The following LRRC53 variants were observed in gnomAD, a reference collection of about 807,000 sequenced individuals.
LRRC53 encodes the protein leucine rich repeat containing 53, also known as leucine-rich repeat-containing protein 53.
Under a neutral mutation model 13.6 loss-of-function variants are expected in LRRC53, and 25 were observed. The observed-to-expected ratio is 1.83, with a 90% confidence interval of 1.34 to 2.56. The LOEUF is 2.56. LRRC53 is among the 30% of genes most tolerant of loss of function. The probability of loss-of-function intolerance (pLI) is 0.00; values close to 1 mark genes in which losing one functional copy is unlikely to be tolerated. For missense variants in LRRC53, 527 were observed against 275.8 expected (o/e 1.91, Z -6.45); for synonymous variants, 204 against 109.8 (o/e 1.86, Z -5.37).
intron 1 of LRRC53, among the ~76,000 whole-genome samples, chr1:74,508,606 G>A (rs372997185): frequency 1.1e-4 from 16 of 152,158 alleles, no homozygotes; most frequent in East Asian, 1.9e-4. Flanking sequence ...GATAAGTAGC[G>A]AATCAGTCTG....
At chr1:74,518,584 T>A in the LRRC53 span, among the ~76,000 whole-genome samples, 1 of 152,168 alleles carries the variant, frequency 6.6e-6, no homozygotes, top group Non-Finnish European at 1.5e-5. Context: ...GTGACGAAGC[T>A]TATGGTTCCC....
At chr1:74,477,555 A>G (rs1280978359) in intron 3 of LRRC53, among the ~76,000 whole-genome samples, 1 of 152,204 alleles carries the variant, frequency 6.6e-6, no homozygotes, top group African/African-American at 2.4e-5. Context: ...AAGGAACAAA[A>G]GGGCTAAGTT....
At chr1:74,511,266 C>T (rs1389661140) in intron 1 of LRRC53, among the ~76,000 whole-genome samples, 2 of 151,682 alleles carry the variant, frequency 1.3e-5, no homozygotes, top group African/African-American at 4.8e-5. Context: ...GATCTCGGCT[C>T]ACCACAACCT....
intron 1 of LRRC53, among the ~76,000 whole-genome samples, chr1:74,503,753 C>T (rs1042372811): frequency 6.6e-6 from 1 of 152,172 alleles, no homozygotes; most frequent in African/African-American, 2.4e-5. Context: ...TGCCTTTTAT[C>T]TCTTTCTTTT....
At chr1:74,473,583 T>C (rs1355716971) in intron 4 of LRRC53, among the ~76,000 whole-genome samples, 1 of 151,876 alleles carries the variant, frequency 6.6e-6, no homozygotes, top group Non-Finnish European at 1.5e-5. Flanking sequence ...CAAAATTAAC[T>C]TTTAGTAGAC....
At chr1:74,490,532 T>C (rs909191833) in intron 1 of LRRC53, among the ~76,000 whole-genome samples, 1 of 152,192 alleles carries the variant, frequency 6.6e-6, no homozygotes, top group Non-Finnish European at 1.5e-5. Flanking sequence ...TGTAATATAT[T>C]GATCAAGCCT....
At chr1:74,516,437 G>A (rs1646349195), upstream of LRRC53, among the ~76,000 whole-genome samples, 1 of 152,192 alleles carries the variant, frequency 6.6e-6, no homozygotes, top group Non-Finnish European at 1.5e-5. Flanking sequence ...ACAATACAAG[G>A]CATGAGGTGT....
chr1:74,477,281 C>A (rs752542305), intron 3 of LRRC53, among the ~76,000 whole-genome samples: 10 of 152,232 alleles, frequency 6.6e-5, no homozygotes, highest in Non-Finnish European at 1.2e-4. Flanking sequence ...TCCTCTAACA[C>A]TTATTTTTTT....
In LRRC53 at chr1:74,475,611, G is replaced by A. The variant is rs1167485341; in HGVS notation, c.1104C>T (p.Ser368=). 1.4e-6 allele frequency: 1 copy of A among 717,178 alleles called. No homozygotes were observed. Among genetic ancestry groups the A allele is most frequent in the Admixed American group, 2.0e-5 (1 of 49,990 alleles). The allele number at this position is 717,178 out of a possible 1,614,324, so 44.4% of individuals were successfully genotyped here. Residue 368 remains serine (S), a synonymous_variant, in exon 4 of 5, where the codon TCC becomes TCT. Coordinates refer to ENST00000294635, the MANE Select transcript of LRRC53 (RefSeq NM_001382280.1). ...LTQENEIKVM[S]TVGSRKEMPL... ...GCATTTCTTTTCTGGACCCCACAGT[G>A]GACATGACCTTTATCTCGTTTTCCT...
At chr1:74,518,873 C>CTTT in the LRRC53 span, among the ~76,000 whole-genome samples, 48 of 100,320 alleles carry the variant, frequency 4.8e-4, no homozygotes, top group Middle Eastern at 6.7e-3. Context: ...TTTTTTTTCC[C>CTTT]CTTTTTTTTT....
chr1:74,487,652 C>T (rs1268204683), intron 1 of LRRC53, among the ~76,000 whole-genome samples: 1 of 152,026 alleles, frequency 6.6e-6, no homozygotes, highest in Admixed American at 6.6e-5. Flanking sequence ...AAGTGAGTGA[C>T]AGCGAAAAGA....
upstream of LRRC53, among the ~76,000 whole-genome samples, chr1:74,516,444 G>A (rs991283214): frequency 6.6e-6 from 1 of 152,212 alleles, no homozygotes; most frequent in Admixed American, 6.5e-5. Context: ...AAGGCATGAG[G>A]TGTCACAGTA....
chr1:74,527,988 G>T, the LRRC53 span, among the ~76,000 whole-genome samples: 1 of 152,194 alleles, frequency 6.6e-6, no homozygotes, highest in African/African-American at 2.4e-5. Context: ...GGCCAAGGTG[G>T]TAGTGCTTAA....
Position 74,480,361 on chromosome 1 carries a change from G to A in LRRC53, c.696C>T (p.Tyr232=). The change falls in exon 3 of 5, where the codon TAC becomes TAT. Residue 232 remains tyrosine (Y), a synonymous_variant. Coordinates refer to ENST00000294635, the MANE Select transcript of LRRC53 (RefSeq NM_001382280.1). ...TGAGCGTGTGAGCAGAAGACTTAATGTAGTTTCTTAAAAACCGAGCAAGGG... is the reference window on the plus strand; with the variant it reads ...TGAGCGTGTGAGCAGAAGACTTAATATAGTTTCTTAAAAACCGAGCAAGGG... ...LHPLARFLRN[Y]IKSSAHTLRN... 1 of 717,712 alleles carries A rather than the reference G, an allele frequency of 1.4e-6. No homozygotes were observed. Among genetic ancestry groups the A allele is most frequent in the Non-Finnish European group, 2.6e-6 (1 of 385,144 alleles). 44.5% of individuals were successfully genotyped at this position (717,712 alleles called of 1,614,324 possible).
chr1:74,520,028 T>G, the LRRC53 span, among the ~76,000 whole-genome samples: 2 of 152,200 alleles, frequency 1.3e-5, no homozygotes, highest in Admixed American at 6.6e-5. Context: ...CATAAGTTTT[T>G]GGGGAACAGG....
At chr1:74,477,827 T>G (rs1210533081) in intron 3 of LRRC53, among the ~76,000 whole-genome samples, 1 of 152,218 alleles carries the variant, frequency 6.6e-6, no homozygotes, top group African/African-American at 2.4e-5. Flanking sequence ...ATGGGCATTG[T>G]TTCTATTTTT....
At chr1:74,483,398 T>C in intron 1 of LRRC53, 23 bp from the exon 2 acceptor site, 1 of 715,574 alleles carries the variant, frequency 1.4e-6, no homozygotes, top group East Asian at 2.7e-5. Flanking sequence ...TAGAGGGCAA[T>C]GTATATCATA....
At chr1:74,473,336 A>T (rs766705142) in intron 4 of LRRC53, among the ~76,000 whole-genome samples, 31 of 152,124 alleles carry the variant, frequency 2.0e-4, no homozygotes, top group South Asian at 4.1e-4. Flanking sequence ...AGTCTATCTG[A>T]CATTAAACGA....
At chr1:74,501,951 T>C (rs1669656181) in intron 1 of LRRC53, among the ~76,000 whole-genome samples, 1 of 152,192 alleles carries the variant, frequency 6.6e-6, no homozygotes, top group Non-Finnish European at 1.5e-5. Flanking sequence ...ATCCTCTGCA[T>C]ATCTTTATGT....
Sources: gnomAD v4.1 joint callset for allele counts (sites outside exome capture counted in the v4.1 genomes callset) on GRCh38, gnomAD v4.1.1 for gene constraint, MANE v1.5 for transcripts, NCBI Gene and HGNC (gene_info 2026-07-23, HGNC 2026-07-21) for gene names.